TP73: variants seen among roughly 807,000 people sequenced by gnomAD.
TP73 encodes p53-like transcription factor.
In TP73, 25 loss-of-function variants were observed where a neutral mutation model predicts 62.5. The ratio of observed to expected loss-of-function variants is 0.40; its 90% confidence interval spans 0.29 to 0.56. TP73 has a LOEUF of 0.56. Among genes scored for constraint, TP73 ranks in the 20% least tolerant of loss-of-function variants. The pLI is 0.46. For missense variants in TP73, 754 were observed against 913.3 expected, an observed-to-expected ratio of 0.83 and a Z score of 2.25; for synonymous variants, 423 against 377.5, an observed-to-expected ratio of 1.12 and a Z score of -1.40.
chr1:3,659,173 AAAAG>A (rs2102004824), intron 1 of TP73: 1 of 49,892 alleles, frequency 2.0e-5, no homozygotes, highest in African/African-American at 1.5e-4. Context: ...CTATGGAAAC[AAAAG>A]AAAAAAAAAA....
chr1:3,728,688 G>A (rs942221634), intron 9 of TP73, among the ~76,000 whole-genome samples: 22 of 152,256 alleles, frequency 1.4e-4, no homozygotes, highest in Non-Finnish European at 3.1e-4. Context: ...TCCAGAATGA[G>A]CCCCAGTTGG....
chr1:3,719,681 T>C (rs1640897946), intron 4 of TP73, among the ~76,000 whole-genome samples: 1 of 152,192 alleles, frequency 6.6e-6, no homozygotes, highest in African/African-American at 2.4e-5. Flanking sequence ...TTCCAAGTGA[T>C]GCTGTGGGGA....
Position 3,699,805 on chromosome 1 carries a change from G to T in TP73, c.187-7744G>T, listed in dbSNP as rs945060534. 4.6e-5 allele frequency among the ~76,000 whole-genome samples: 7 copies of T among 152,170 alleles called. No individual in the cohort carries two copies. Among genetic ancestry groups the T allele is most frequent in the Non-Finnish European group, 8.8e-5 (6 of 68,012 alleles). ...GAGGTGGAGCTGGGGAGGGGCCAGC[G>T]GGGCGTCAGGATTTCAGCTGACATC... On this transcript the variant is annotated intron_variant, in intron 3 of 13. Coordinates refer to ENST00000378295, the MANE Select transcript of TP73 (RefSeq NM_005427.4). The surrounding 1 kb of genome is among the most constrained non-coding windows in gnomAD (Gnocchi z 4.1).
chr1:3,678,595 TAA>T (rs1340576311), intron 1 of TP73, among the ~76,000 whole-genome samples: 1 of 152,252 alleles, frequency 6.6e-6, no homozygotes, highest in Non-Finnish European at 1.5e-5. Flanking sequence ...CCGTGTGCTT[TAA>T]GTCTGGGCAG....
intron 3 of TP73, among the ~76,000 whole-genome samples, chr1:3,690,286 G>T (rs3765728): frequency 4.6e-5 from 7 of 151,944 alleles, no homozygotes; most frequent in Non-Finnish European, 5.9e-5. Flanking sequence ...CCCTTGGACT[G>T]GTCCTGGCGG....
At chr1:3,656,877 C>T (rs1354046569) in intron 1 of TP73, among the ~76,000 whole-genome samples, 1 of 152,234 alleles carries the variant, frequency 6.6e-6, no homozygotes, top group African/African-American at 2.4e-5. Flanking sequence ...TGAATGTAGG[C>T]AGCAAACTAC....
chr1:3,724,789 C>T (rs1641368430), intron 6 of TP73, among the ~76,000 whole-genome samples: 1 of 152,196 alleles, frequency 6.6e-6, no homozygotes, highest in Non-Finnish European at 1.5e-5. Flanking sequence ...GAGGCCAAGG[C>T]GGGTGGATCA....
intron 1 of TP73, among the ~76,000 whole-genome samples, chr1:3,671,546 G>A (rs1157561882): frequency 1.3e-5 from 2 of 152,242 alleles, no homozygotes; most frequent in East Asian, 1.9e-4. Flanking sequence ...TGCCCTGCAG[G>A]AGCCGGGGCC....
intron 5 of TP73, 50 bp downstream of exon 5, chr1:3,722,257 C>A: frequency 6.2e-7 from 1 of 1,602,400 alleles, no homozygotes; most frequent in East Asian, 2.2e-5. Flanking sequence ...CCCAGCATCC[C>A]GGACAGCACA....
intron 3 of TP73, among the ~76,000 whole-genome samples, chr1:3,692,886 G>A (rs1447254874): frequency 6.6e-6 from 1 of 152,178 alleles, no homozygotes; most frequent in African/African-American, 2.4e-5. Flanking sequence ...GACCCTCACT[G>A]CCTGCAGGAG....
Position 3,666,498 on chromosome 1 carries a change from C to A in TP73, c.-34+13857C>A, listed in dbSNP as rs1394715039. Among the ~76,000 whole-genome samples, 1 of 152,180 alleles carries A rather than the reference C, an allele frequency of 6.6e-6. No individual in the cohort carries two copies. Among genetic ancestry groups the A allele is most frequent in the Non-Finnish European group, 1.5e-5 (1 of 68,046 alleles). ...AACTCACTGATGCACACAGAGGGAC[C>A]TGCTGGCAAATACTGAAGAGCTGTG... On this transcript the variant is annotated intron_variant, in intron 1 of 13. Coordinates refer to ENST00000378295, the MANE Select transcript of TP73 (RefSeq NM_005427.4). The surrounding 1 kb of genome is among the most constrained non-coding windows in gnomAD (Gnocchi z 6.4).
chr1:3,686,437 AGAGCAGAGAGC>A (rs1337949216), intron 3 of TP73, among the ~76,000 whole-genome samples: 6 of 152,190 alleles, frequency 3.9e-5, no homozygotes, highest in Non-Finnish European at 5.9e-5. Context: ...GTAGGAGCCC[AGAGCAGAGAGC>A]CCTTTGGGAG....
Position 3,730,130 on chromosome 1 carries a change from C to A in TP73, c.1327C>A (p.Pro443Thr). The change falls in exon 11 of 14, where the codon CCC becomes ACC. Residue 443 changes from proline to threonine, a missense_variant. Pro to Thr is a conservative substitution (Grantham distance 38). Around this residue, in one of 3 missense-constraint regions of TP73, gnomAD observed 458 missense variants for 528.7 expected, o/e 0.87. Coordinates refer to ENST00000378295, the MANE Select transcript of TP73 (RefSeq NM_005427.4). ...QPPPHSSAAT[P>T]NLGPVGPGML... is the part of the protein sequence containing the mutation. ...TCCCCCGCACAGTTCGGCAGCTACA[C>A]CCAACCTGGGGCCCGTGGGTGAGTC... 1 of 1,561,388 alleles carries A rather than the reference C, an allele frequency of 6.4e-7. No homozygotes were observed. The highest frequency in any genetic ancestry group is 8.7e-7 in the Non-Finnish European group (1 of 1,152,422).
intron 4 of TP73, among the ~76,000 whole-genome samples, chr1:3,719,806 C>A (rs1244567745): frequency 6.6e-6 from 1 of 152,212 alleles, no homozygotes; most frequent in Non-Finnish European, 1.5e-5. Context: ...CCCAAGCCTG[C>A]AGCTCCGACA....
intron 10 of TP73, chr1:3,729,774 C>A: frequency 1.3e-6 from 1 of 753,338 alleles, no homozygotes; most frequent in Non-Finnish European, 2.2e-6. Context: ...TGGCACAGGT[C>A]ATCCCCCTGC....
intron 3 of TP73, among the ~76,000 whole-genome samples, chr1:3,691,994 T>A (rs1292485276): frequency 6.9e-6 from 1 of 145,894 alleles, no homozygotes; most frequent in Non-Finnish European, 1.5e-5. Context: ...CGTGCATGTG[T>A]GTGTCTAAGC....
chr1:3,705,321 C>G (rs1214999827), intron 3 of TP73, among the ~76,000 whole-genome samples: 1 of 152,248 alleles, frequency 6.6e-6, no homozygotes, highest in East Asian at 1.9e-4. Context: ...TCAGTGAACC[C>G]TGGGCTCCTG....
intron 1 of TP73, among the ~76,000 whole-genome samples, chr1:3,675,483 C>G (rs1044823400): frequency 6.6e-6 from 1 of 152,090 alleles, no homozygotes; most frequent in Non-Finnish European, 1.5e-5. Flanking sequence ...GGGTGGAGTT[C>G]CTGGGGGCTT....
intron 1 of TP73, among the ~76,000 whole-genome samples, chr1:3,655,642 A>G (rs1644849856): frequency 6.6e-6 from 1 of 152,210 alleles, no homozygotes; most frequent in Admixed American, 6.5e-5. Context: ...TCTAAATGTA[A>G]TGTTTTATCA....
Sources: gnomAD v4.1 joint callset for allele counts (sites outside exome capture counted in the v4.1 genomes callset) on GRCh38, gnomAD v4.1.1 for gene constraint, gnomAD v4.1.1 regional missense constraint, Gnocchi (gnomAD v3.1) non-coding constraint, MANE v1.5 for transcripts, NCBI Gene and HGNC (gene_info 2026-07-23, HGNC 2026-07-21) for gene names.